Variants in COG2 observed in about 807,000 individuals in gnomAD.
The protein encoded by COG2 is conserved oligomeric Golgi complex subunit 2.
A neutral mutation model predicts 90.6 loss-of-function variants in COG2; 52 were observed. The observed-to-expected ratio is 0.57, with a 90% confidence interval of 0.46 to 0.72. The LOEUF (loss-of-function observed/expected upper bound fraction) is 0.72. COG2 is among the 30% of genes least tolerant of loss of function. The pLI, the probability that COG2 is intolerant of heterozygous loss-of-function variation, is 0.00. For synonymous variants in COG2, 337 were observed against 320.4 expected, an observed-to-expected ratio of 1.05 and a Z score of -0.55; for missense variants, 829 against 891.2, an observed-to-expected ratio of 0.93 and a Z score of 0.89.
chr1:230,675,165 C>A, intron 9 of COG2, 41 bp downstream of exon 9: 1 of 1,582,740 alleles, frequency 6.3e-7, no homozygotes, highest in Non-Finnish European at 8.6e-7. Context: ...AAGATGTTAA[C>A]CGGAGACTGG....
rs147146289 is a variant in COG2, at chr1:230,676,897, C to T, written c.1026+1773C>T. ...AATTGTTATTTCTTTGTAGTTAATG[C>T]CTTTTTTCTCTGGCTGCTTTTAAGA... On this transcript the variant is annotated intron_variant, in intron 9 of 17. Coordinates refer to ENST00000366669, the MANE Select transcript of COG2 (RefSeq NM_007357.3). Among the ~76,000 whole-genome samples the T allele has an allele frequency of 2.6e-4, 39 of 152,166 alleles. 1 individual carries two copies. The East Asian group carries it at 6.2e-3, about 24-fold the overall frequency.
chr1:230,691,129 C>T (rs1031790530), intron 16 of COG2, among the ~76,000 whole-genome samples: 1 of 150,458 alleles, frequency 6.6e-6, no homozygotes, highest in Non-Finnish European at 1.5e-5. Context: ...TTCTTAAATT[C>T]TGAGGGAATG....
chr1:230,645,262 TG>T (rs1226346285), intron 1 of COG2, among the ~76,000 whole-genome samples: 1 of 141,048 alleles, frequency 7.1e-6, no homozygotes, highest in Non-Finnish European at 1.5e-5. Flanking sequence ...AAAAAGAAAA[TG>T]TACAAACACT....
chr1:230,668,077 A>G (rs1662361535), intron 5 of COG2, among the ~76,000 whole-genome samples: 1 of 152,066 alleles, frequency 6.6e-6, no homozygotes, highest in Admixed American at 6.5e-5. Flanking sequence ...TTAAAATAAG[A>G]TATTTTGAGA....
chr1:230,669,836 T>C, intron 7 of COG2: 1 of 264,950 alleles, frequency 3.8e-6, no homozygotes, highest in Non-Finnish European at 7.2e-6. Context: ...CGATGGTTCC[T>C]CAGTAATTGT....
intron 1 of COG2, among the ~76,000 whole-genome samples, chr1:230,645,412 A>G (rs780200748): frequency 6.6e-6 from 1 of 152,098 alleles, no homozygotes; most frequent in Non-Finnish European, 1.5e-5. Flanking sequence ...TGTCTCACGT[A>G]TGACTTCATG....
intron 11 of COG2, among the ~76,000 whole-genome samples, chr1:230,684,034 A>G (rs553803032): frequency 7.3e-5 from 11 of 150,724 alleles, no homozygotes; most frequent in South Asian, 2.1e-4. Flanking sequence ...CAAGTGATTC[A>G]CCCCCCCTTG....
rs761538055 is a variant in COG2, at chr1:230,693,410, C to T, written c.*17C>T. On this transcript the variant is annotated 3_prime_UTR_variant, in exon 18 of 18. Transcript: ENST00000366669. ...CAGCCTTAAGCATCTTGGAAGATCCCGAGGTTAGATTCTTAAGCAAGAGAA... is the reference window on the plus strand; with the variant it reads ...CAGCCTTAAGCATCTTGGAAGATCCTGAGGTTAGATTCTTAAGCAAGAGAA... 8.5e-6 allele frequency: 13 copies of T among 1,527,240 alleles called. No homozygotes were observed. The highest frequency in any genetic ancestry group is 1.7e-5 in the Admixed American group (1 of 57,240). The allele number at this position is 1,527,240 out of a possible 1,614,324, so 94.6% of individuals were successfully genotyped here.
chr1:230,690,076 G>T lies in COG2; in HGVS notation c.1857G>T (p.Gln619His). 6.2e-7 allele frequency: 1 copy of T among 1,613,368 alleles called. No individual in the cohort carries two copies. The highest frequency in any genetic ancestry group is 1.1e-5 in the South Asian group (1 of 90,854). ...CTCTGAAGCCCTTATTCCAGCTTCAGAGCGGACACAAGGATAAGCTCAAAC... is the reference window on the plus strand; with the variant it reads ...CTCTGAAGCCCTTATTCCAGCTTCATAGCGGACACAAGGATAAGCTCAAAC... ...DSALKPLFQL[Q>H]SGHKDKLKQA... Residue 619 changes from glutamine to histidine, a missense_variant, in exon 16 of 18, where the codon CAG becomes CAT. By Grantham distance (24) the Gln-to-His change is conservative. Coordinates refer to ENST00000366669, the MANE Select transcript of COG2 (RefSeq NM_007357.3).
At chr1:230,654,423 A>G (rs1450783223) in intron 1 of COG2, among the ~76,000 whole-genome samples, 1 of 151,984 alleles carries the variant, frequency 6.6e-6, no homozygotes, top group Admixed American at 6.6e-5. Flanking sequence ...ATGGTTGTAG[A>G]TGTGTGGTGT....
chr1:230,685,660 T>C (rs558388250), intron 12 of COG2, among the ~76,000 whole-genome samples: 37 of 152,350 alleles, frequency 2.4e-4, no homozygotes, highest in African/African-American at 8.4e-4. Flanking sequence ...AAAAAGGTAT[T>C]AAAATTCTTT....
chr1:230,673,526 A>T (rs1662508304), intron 8 of COG2, among the ~76,000 whole-genome samples: 1 of 152,188 alleles, frequency 6.6e-6, no homozygotes, highest in Non-Finnish European at 1.5e-5. Flanking sequence ...CAGGTTTTAC[A>T]TTCTCTCTTT....
chr1:230,655,606 G>A (rs796307682), intron 1 of COG2, among the ~76,000 whole-genome samples: 1 of 152,266 alleles, frequency 6.6e-6, no homozygotes, highest in South Asian at 2.1e-4. Flanking sequence ...GATGATGCTG[G>A]CCTCATAAAA....
intron 5 of COG2, among the ~76,000 whole-genome samples, chr1:230,667,275 TTATTG>T (rs1300673147): frequency 2.0e-5 from 3 of 152,188 alleles, no homozygotes; most frequent in African/African-American, 7.2e-5. Flanking sequence ...TACTCTTATA[TTATTG>T]TATTATATTA....
chr1:230,649,669 ATTAT>A (rs888619823), intron 1 of COG2, among the ~76,000 whole-genome samples: 8 of 152,072 alleles, frequency 5.3e-5, no homozygotes, highest in African/African-American at 1.2e-4. Flanking sequence ...TACAGCAGTG[ATTAT>A]TTATTTATTT....
At chr1:230,663,070 G>T in intron 3 of COG2, 71 bp from the exon 4 acceptor site, 1 of 1,286,194 alleles carries the variant, frequency 7.8e-7, no homozygotes, top group South Asian at 1.4e-5. Context: ...CTGTGGAATT[G>T]AATTAAATGT....
chr1:230,692,895 G>T, intron 17 of COG2, among the ~76,000 whole-genome samples: 1 of 152,120 alleles, frequency 6.6e-6, no homozygotes, highest in Non-Finnish European at 1.5e-5. Context: ...CAACTCATCT[G>T]ATTCTAAAAG....
At chr1:230,666,234 G>A (rs1662318456) in intron 5 of COG2, among the ~76,000 whole-genome samples, 1 of 152,080 alleles carries the variant, frequency 6.6e-6, no homozygotes, top group African/African-American at 2.4e-5. Context: ...TTTATTCCTT[G>A]TCTTAGGAAA....
At chr1:230,643,478 T>G (rs1661678877) in intron 1 of COG2, among the ~76,000 whole-genome samples, 1 of 152,246 alleles carries the variant, frequency 6.6e-6, no homozygotes, top group Non-Finnish European at 1.5e-5. Context: ...TTGACACCTT[T>G]TAGTAGCTGC....
Sources: gnomAD v4.1 joint callset for allele counts (sites outside exome capture counted in the v4.1 genomes callset) on GRCh38, gnomAD v4.1.1 for gene constraint, MANE v1.5 for transcripts, NCBI Gene and HGNC (gene_info 2026-07-23, HGNC 2026-07-21) for gene names.